CLASP2: variants seen among roughly 807,000 people sequenced by gnomAD.
CLASP2 encodes the protein CLIP-associating protein 2.
A neutral mutation model predicts 194.4 loss-of-function variants in CLASP2; 47 were observed. The observed-to-expected ratio is 0.24, with a 90% CI of 0.19 to 0.31. The LOEUF is 0.31. Ranked by LOEUF, CLASP2 falls within the 10% of genes least tolerant of loss-of-function variation. The pLI, the probability that CLASP2 is intolerant of heterozygous loss-of-function variation, is 1.00. For missense variants in CLASP2, 1,445 were observed against 1,823.6 expected (o/e 0.79, Z 3.78); for synonymous variants, 619 against 633.5 (o/e 0.98, Z 0.34).
chr3:33,527,945 A>C (rs1032767592), intron 34 of CLASP2, among the ~76,000 whole-genome samples: 10 of 152,174 alleles, frequency 6.6e-5, no homozygotes, highest in African/African-American at 2.4e-4. Context: ...CCTGGGTGAC[A>C]GAGCGAGACT....
chr3:33,561,473 T>G (rs933057312), intron 27 of CLASP2, among the ~76,000 whole-genome samples: 2 of 152,366 alleles, frequency 1.3e-5, no homozygotes, highest in Admixed American at 6.5e-5. Context: ...AATAATTTGG[T>G]ATGGGATGTA....
In CLASP2 at chr3:33,641,969, T is replaced by G. The variant is rs114381333; in HGVS notation, c.862+2788A>C. On this transcript the variant is annotated intron_variant, in intron 8 of 38. Transcript: ENST00000682230. ...ATGTAAAATCATGGGAAAGATAATG[T>G]ATAGTCCAGAAAACAGAATAGTCAT... Among the ~76,000 whole-genome samples, 239 of 152,098 alleles carry G rather than the reference T, an allele frequency of 1.6e-3. 1 individual carries two copies. Among genetic ancestry groups the G allele is most frequent in the African/African-American group, 5.4e-3 (225 of 41,562 alleles).
chr3:33,529,832 G>T (rs2055706659), intron 34 of CLASP2, among the ~76,000 whole-genome samples: 1 of 151,952 alleles, frequency 6.6e-6, no homozygotes, highest in African/African-American at 2.4e-5. Flanking sequence ...ATACAAAAAA[G>T]CCGGGCGCAG....
chr3:33,553,378 T>A (rs971355687), intron 29 of CLASP2, among the ~76,000 whole-genome samples: 1 of 152,098 alleles, frequency 6.6e-6, no homozygotes, highest in African/African-American at 2.4e-5. Flanking sequence ...AGCTTCTGCA[T>A]AGCAAAGGAA....
At chr3:33,632,170 T>G (rs1477831976) in intron 9 of CLASP2, 122 bp downstream of exon 9, 8 of 561,044 alleles carry the variant, frequency 1.4e-5, no homozygotes, top group Non-Finnish European at 2.4e-5. Context: ...TATTAATAAG[T>G]CAAATATTTC....
At chr3:33,713,676 T>C (rs1360100650) in intron 1 of CLASP2, among the ~76,000 whole-genome samples, 1 of 152,070 alleles carries the variant, frequency 6.6e-6, no homozygotes, top group Non-Finnish European at 1.5e-5. Flanking sequence ...TATAAATGTT[T>C]TCACTTTTTT....
chr3:33,576,797 G>A (rs969651718), intron 23 of CLASP2, among the ~76,000 whole-genome samples: 4 of 152,080 alleles, frequency 2.6e-5, no homozygotes, highest in African/African-American at 9.7e-5. Flanking sequence ...TGTCTACTAT[G>A]TGCCCGACAT....
At chr3:33,535,118 A>T (rs2057089762) in intron 34 of CLASP2, 115 bp downstream of exon 34, 1 of 694,108 alleles carries the variant, frequency 1.4e-6, no homozygotes, top group Non-Finnish European at 2.4e-6. Context: ...AAACATTCTT[A>T]TTCTAAAAAT....
chr3:33,600,723 A>C (rs1349469924), intron 18 of CLASP2, among the ~76,000 whole-genome samples: 1 of 152,240 alleles, frequency 6.6e-6, no homozygotes, highest in East Asian at 1.9e-4. Flanking sequence ...CCTTTGTTGA[A>C]AATATGACTT....
chr3:33,686,990 GAAT>G, intron 5 of CLASP2, 67 bp downstream of exon 5: 1 of 825,738 alleles, frequency 1.2e-6, no homozygotes, highest in Non-Finnish European at 1.9e-6. Flanking sequence ...TTTAAAAATA[GAAT>G]AAGAGGACTA....
In CLASP2 at chr3:33,497,844, A is replaced by C. The variant is rs1410992842; in HGVS notation, c.*787T>G. On this transcript the variant is annotated 3_prime_UTR_variant, in exon 39 of 39. Coordinates refer to ENST00000682230, the MANE Select transcript of CLASP2 (RefSeq NM_001365631.1). ...AAAGCATCATTCACAACAAAGATAT[A>C]AACAAACCAAAATAAACCCTGCAAT... is the stretch of plus-strand genomic sequence containing the variant. 6.6e-6 allele frequency: 1 copy of C among 152,620 alleles called. No homozygotes were observed. Among genetic ancestry groups the C allele is most frequent in the Non-Finnish European group, 1.5e-5 (1 of 68,038 alleles). 9.5% of individuals were successfully genotyped at this position (152,620 alleles called of 1,614,324 possible). A position where few individuals can be genotyped will look rare whatever the true frequency, so the allele number is the denominator to read the frequency against.
intron 30 of CLASP2, among the ~76,000 whole-genome samples, chr3:33,550,345 G>C (rs1227663064): frequency 7.4e-6 from 1 of 134,992 alleles, no homozygotes; most frequent in South Asian, 2.5e-4. Context: ...CAGTGAGCCA[G>C]TATCATGCCA....
chr3:33,627,146 G>C lies in CLASP2; in HGVS notation c.943-66C>G, dbSNP rs1363919361. 5.6e-6 allele frequency: 5 copies of C among 898,866 alleles called. No individual in the cohort carries two copies. In the African/African-American group the frequency reaches 8.4e-5, roughly 15 times the overall value. 55.7% of individuals were successfully genotyped at this position (898,866 alleles called of 1,614,324 possible). A position where few individuals can be genotyped will look rare whatever the true frequency, so the allele number is the denominator to read the frequency against. ...ATGAACAATATCAAAATTATGCCCT[G>C]ATGTTTAAAATAATCTTTCACCTAT... On this transcript the variant is annotated intron_variant, in intron 9 of 38. Coordinates refer to ENST00000682230, the MANE Select transcript of CLASP2 (RefSeq NM_001365631.1).
intron 29 of CLASP2, among the ~76,000 whole-genome samples, chr3:33,552,098 G>A (rs962231871): frequency 6.7e-6 from 1 of 150,136 alleles, no homozygotes; most frequent in African/African-American, 2.5e-5. Flanking sequence ...GGATAAAAAT[G>A]TTATGTGTGG....
At chr3:33,630,569 T>A (rs1215006223) in intron 9 of CLASP2, among the ~76,000 whole-genome samples, 1 of 145,806 alleles carries the variant, frequency 6.9e-6, no homozygotes, top group Non-Finnish European at 1.5e-5. Context: ...AAAAAAAAAA[T>A]CAGATTCTAA....
chr3:33,708,098 C>G (rs140385482), intron 1 of CLASP2, among the ~76,000 whole-genome samples: 35 of 152,164 alleles, frequency 2.3e-4, no homozygotes, highest in East Asian at 1.5e-3. Flanking sequence ...CATCTACGCT[C>G]TTAGTAAATT....
At chr3:33,553,567 A>G (rs532209328) in intron 29 of CLASP2, among the ~76,000 whole-genome samples, 1 of 152,340 alleles carries the variant, frequency 6.6e-6, no homozygotes, top group South Asian at 2.1e-4. Flanking sequence ...TTGTCAAAGA[A>G]AGACATACAA....
chr3:33,570,748 C>T lies in CLASP2; in HGVS notation c.2742G>A (p.Met914Ile). ...LKRLCEIFTR[M>I]FADPHGKRVF... ...ATACCTTGCCATGAGGGTCAGCAAA[C>T]ATTCTTGTGAAAATTTCACATAATC... Residue 914 changes from methionine to isoleucine, a missense_variant, in exon 26 of 39, where the codon ATG becomes ATA. Met to Ile is a conservative substitution (Grantham distance 10). Around this residue, in one of 4 missense-constraint regions of CLASP2, gnomAD observed 732 missense variants for 987.9 expected, o/e 0.74. Transcript: ENST00000682230. 1.3e-6 allele frequency: 2 copies of T among 1,592,186 alleles called. No homozygotes were observed. The highest frequency in any genetic ancestry group is 8.6e-7 in the Non-Finnish European group (1 of 1,168,816).
chr3:33,689,382 TA>T (rs1034800583), intron 3 of CLASP2, among the ~76,000 whole-genome samples: 130 of 143,806 alleles, frequency 9.0e-4, no homozygotes, highest in Non-Finnish European at 9.1e-4. Flanking sequence ...CCACAATATT[TA>T]AAAAAAAAAA....
Sources: gnomAD v4.1 joint callset for allele counts (sites outside exome capture counted in the v4.1 genomes callset) on GRCh38, gnomAD v4.1.1 for gene constraint, gnomAD v4.1.1 regional missense constraint, MANE v1.5 for transcripts, NCBI Gene and HGNC (gene_info 2026-07-23, HGNC 2026-07-21) for gene names.